ZNF823: variants seen among roughly 807,000 people sequenced by gnomAD.
ZNF823 encodes the protein zinc finger protein 823.
Under a neutral mutation model 11.4 loss-of-function variants are expected in ZNF823, and 5 were observed. The observed-to-expected ratio is 0.44, with a 90% confidence interval of 0.23 to 0.92. The LOEUF (loss-of-function observed/expected upper bound fraction) is 0.92, where lower values mean the gene tolerates loss of function less well. Among genes scored for constraint, ZNF823 ranks in the 40% least tolerant of loss-of-function variants. The pLI is 0.24. For synonymous variants in ZNF823, 234 were observed against 250.5 expected (o/e 0.93, Z 0.62); for missense variants, 582 against 738.5 (o/e 0.79, Z 2.46).
intron 1 of ZNF823, among the ~76,000 whole-genome samples, chr19:11,734,414 C>T (rs1402675857): frequency 2.0e-5 from 3 of 152,152 alleles, no homozygotes; most frequent in Admixed American, 2.0e-4. Flanking sequence ...CCCACTTTGC[C>T]TCAGAAATGA....
At chr19:11,731,885 T>C (rs996039083) in intron 1 of ZNF823, among the ~76,000 whole-genome samples, 3 of 151,814 alleles carry the variant, frequency 2.0e-5, no homozygotes, top group East Asian at 3.9e-4. Flanking sequence ...GGCGCATGCC[T>C]GTAGTCCCAG....
rs1974723237 is a variant in ZNF823 at position 11,723,090 on chromosome 19, C to T, written c.444G>A (p.Gln148=). Residue 148 remains glutamine, a synonymous_variant, in exon 4 of 4, where the codon CAG becomes CAA. Transcript: ENST00000341191. ...GCCTTTCATGTGTCTGGAAGGAGTG[C>T]TGATGACTGATGGCTTTCCCACGTT... The part of the protein sequence containing the change: ...HKQRGKAISH[Q]HSFQTHERPP... The T allele has an allele frequency of 6.2e-7, 1 of 1,614,176 alleles. No homozygotes were observed. Among genetic ancestry groups the T allele is most frequent in the East Asian group, 2.2e-5 (1 of 44,884 alleles).
Position 11,722,462 on chromosome 19 carries a change from T to G in ZNF823, c.1072A>C (p.Lys358Gln). ...RNHETTHTGE[K>Q]PYECKQCGKV... ...CCACACTGCTTACATTCATAGGGTTTCTCTCCAGTGTGAGTAGTTTCATGA... is the reference window on the plus strand; with the variant it reads ...CCACACTGCTTACATTCATAGGGTTGCTCTCCAGTGTGAGTAGTTTCATGA... Residue 358 changes from lysine (K) to glutamine (Q), a missense_variant, in exon 4 of 4, where the codon AAA becomes CAA. By Grantham distance (53) the Lys-to-Gln change is moderately conservative. Transcript: ENST00000341191. This position sits in a 1 kb window ranked among gnomAD's most constrained non-coding sequence, Gnocchi z 5.2. 1 of 1,614,240 alleles carries G rather than the reference T, an allele frequency of 6.2e-7. No individual in the cohort carries two copies. Among genetic ancestry groups the G allele is most frequent in the Non-Finnish European group, 8.5e-7 (1 of 1,180,044 alleles).
intron 1 of ZNF823, among the ~76,000 whole-genome samples, chr19:11,737,735 CAA>C (rs1164600371): frequency 3.9e-5 from 6 of 152,026 alleles, no homozygotes; most frequent in African/African-American, 1.5e-4. Flanking sequence ...GCCTGAGGGA[CAA>C]AGAGTTCATA....
intron 2 of ZNF823, among the ~76,000 whole-genome samples, chr19:11,724,983 A>G (rs542202946): frequency 8.7e-4 from 132 of 152,300 alleles, no homozygotes; most frequent in Non-Finnish European, 1.5e-3. Flanking sequence ...GTTATCCATA[A>G]GTGGGCCAGT....
At chr19:11,726,078 A>C (rs1974784682) in intron 1 of ZNF823, 1 of 123,458 alleles carries the variant, frequency 8.1e-6, no homozygotes, top group Non-Finnish European at 1.6e-5. Flanking sequence ...AAATACAAAA[A>C]AAAAAAAAAA....
At chr19:11,738,125 C>T (rs1975028540) in intron 1 of ZNF823, among the ~76,000 whole-genome samples, 1 of 152,188 alleles carries the variant, frequency 6.6e-6, no homozygotes. Context: ...ACGGGGCCGC[C>T]TCCCTGAGAG....
Position 11,725,289 on chromosome 19 carries a change from T to G in ZNF823, c.42A>C (p.Thr14=). The change falls in exon 2 of 4, where the codon ACA becomes ACC. Residue 14 remains threonine (T), a synonymous_variant. Coordinates refer to ENST00000341191, the MANE Select transcript of ZNF823 (RefSeq NM_001080493.4). ...VAFEDVAVNF[T]QEEWALLGPS... ...GACCCAGCAAAGCCCACTCCTCTTGTGTGAAGTTCACAGCCACATCTTCAA... is the reference window on the plus strand; with the variant it reads ...GACCCAGCAAAGCCCACTCCTCTTGGGTGAAGTTCACAGCCACATCTTCAA... 1 of 1,614,102 alleles carries G rather than the reference T, an allele frequency of 6.2e-7. No individual in the cohort carries two copies. Among genetic ancestry groups the G allele is most frequent in the South Asian group, 1.1e-5 (1 of 91,082 alleles).
intron 1 of ZNF823, among the ~76,000 whole-genome samples, chr19:11,730,045 T>A (rs1248081068): frequency 6.6e-6 from 1 of 151,952 alleles, no homozygotes; most frequent in Non-Finnish European, 1.5e-5. Flanking sequence ...TCTTCTGCCT[T>A]GGCCTCCCAA....
Position 11,738,946 on chromosome 19 carries a change from G to A in ZNF823, c.-127C>T, listed in dbSNP as rs913939271. 8 of 1,263,546 alleles carry A rather than the reference G, an allele frequency of 6.3e-6. No homozygotes were observed. Among genetic ancestry groups the A allele is most frequent in the African/African-American group, 3.1e-5 (2 of 64,112 alleles). The allele number at this position is 1,263,546 out of a possible 1,614,324, so 78.3% of individuals were successfully genotyped here. ...CCAGAGCCAGGACTCAGAGCGCAGGGGCGTGGAGAAGACTCCGCGGGCTCT... is the reference window on the plus strand; with the variant it reads ...CCAGAGCCAGGACTCAGAGCGCAGGAGCGTGGAGAAGACTCCGCGGGCTCT... On this transcript the variant is annotated 5_prime_UTR_variant, in exon 1 of 4. Transcript: ENST00000341191.
At chr19:11,724,166 A>G in intron 3 of ZNF823, 28 bp downstream of exon 3, 1 of 1,594,044 alleles carries the variant, frequency 6.3e-7, no homozygotes, top group Non-Finnish European at 8.6e-7. Context: ...CTGCAGGGAC[A>G]TAGCTTTCTT....
rs1437359245 is a variant in ZNF823, at chr19:11,722,656, A to G, written c.878T>C (p.Leu293Pro). Residue 293 changes from leucine (L) to proline (P), a missense_variant, in exon 4 of 4, where the codon CTA becomes CCA. By Grantham distance (98) the Leu-to-Pro change is moderately conservative. Coordinates refer to ENST00000341191, the MANE Select transcript of ZNF823 (RefSeq NM_001080493.4). The surrounding 1 kb of genome is among the most constrained non-coding windows in gnomAD (Gnocchi z 5.2). Reference sequence around the variant, plus strand: ...TTCTCCCGTGTGAGTCCTTTCATGTAGTCGAGTGTAATAGTAACAGCTGAA... The same window carrying G: ...TTCTCCCGTGTGAGTCCTTTCATGTGGTCGAGTGTAATAGTAACAGCTGAA... ...KAFSCYYYTR[L>P]HERTHTGEQP... 6.2e-7 allele frequency: 1 copy of G among 1,613,792 alleles called. No homozygotes were observed. The highest frequency in any genetic ancestry group is 1.1e-5 in the South Asian group (1 of 91,048).
At chr19:11,737,775 T>A (rs1975020779) in intron 1 of ZNF823, among the ~76,000 whole-genome samples, 1 of 152,098 alleles carries the variant, frequency 6.6e-6, no homozygotes, top group South Asian at 2.1e-4. Context: ...TGAGAGACAG[T>A]TAGCCTGGGG....
chr19:11,728,518 T>C (rs1974836591), intron 1 of ZNF823, among the ~76,000 whole-genome samples: 1 of 152,184 alleles, frequency 6.6e-6, no homozygotes. Flanking sequence ...TTATATGGGA[T>C]GGGAGGATGG....
rs2145206791 is a variant in ZNF823, at chr19:11,725,294, A to G, written c.37T>C (p.Phe13Leu). 2 of 1,614,078 alleles carry G rather than the reference A, an allele frequency of 1.2e-6. No homozygotes were observed. Among genetic ancestry groups the G allele is most frequent in the East Asian group, 4.5e-5 (2 of 44,878 alleles). ...SVAFEDVAVN[F>L]TQEEWALLGP... ...AGCAAAGCCCACTCCTCTTGTGTGA[A>G]GTTCACAGCCACATCTTCAAAGGCC... Residue 13 changes from phenylalanine (F) to leucine (L), a missense_variant, in exon 2 of 4, where the codon TTC becomes CTC. Phe to Leu is a conservative substitution (Grantham distance 22). Coordinates refer to ENST00000341191, the MANE Select transcript of ZNF823 (RefSeq NM_001080493.4).
intron 1 of ZNF823, 118 bp from the exon 2 acceptor site, chr19:11,725,445 G>A (rs1974773522): frequency 1.4e-6 from 2 of 1,401,858 alleles, no homozygotes; most frequent in Admixed American, 4.0e-5. Flanking sequence ...CGATGACATA[G>A]TAAACCCACT....
At chr19:11,738,794 G>C in intron 1 of ZNF823, 23 bp downstream of exon 1, 1 of 1,608,660 alleles carries the variant, frequency 6.2e-7, no homozygotes, top group South Asian at 1.1e-5. Flanking sequence ...TTTGCCTCGG[G>C]ACGCCGGGCC....
intron 1 of ZNF823, among the ~76,000 whole-genome samples, chr19:11,728,197 A>C (rs933869323): frequency 1.3e-5 from 2 of 152,092 alleles, no homozygotes; most frequent in East Asian, 1.9e-4. Flanking sequence ...TTTCCATTTA[A>C]TCAGTGATGG....
At position 11,724,214 on chromosome 19, in the gene ZNF823, T is replaced by C. The variant is rs1299215122; in HGVS notation, c.171A>G (p.Gln57=). 1.2e-6 allele frequency: 2 copies of C among 1,610,208 alleles called. No homozygotes were observed. The highest frequency in any genetic ancestry group is 4.5e-5 in the East Asian group (2 of 44,680). ...ATTACCTTAGATTTCTCTTGGCATT[T>C]TGGCACTGATCTCCAATGTTCTGGT... ...WEDQNIGDQC[Q]NAKRNLRSHT... is the part of the protein sequence containing the mutation. The change falls in exon 3 of 4, where the codon CAA becomes CAG. Residue 57 remains glutamine, a synonymous_variant. Coordinates refer to ENST00000341191, the MANE Select transcript of ZNF823 (RefSeq NM_001080493.4).
Sources: gnomAD v4.1 joint callset for allele counts (sites outside exome capture counted in the v4.1 genomes callset) on GRCh38, gnomAD v4.1.1 for gene constraint, Gnocchi (gnomAD v3.1) non-coding constraint, MANE v1.5 for transcripts, NCBI Gene and HGNC (gene_info 2026-07-23, HGNC 2026-07-21) for gene names.